The following NCKAP5 variants were observed in gnomAD, a reference collection of about 807,000 sequenced individuals.
NCKAP5 encodes NCK associated protein 5.
A neutral mutation model predicts 167.0 loss-of-function variants in NCKAP5; 92 were observed. That is an observed-to-expected ratio of 0.55 (90% confidence interval 0.47 to 0.66). The LOEUF (loss-of-function observed/expected upper bound fraction) is 0.66, where lower values mean the gene tolerates loss of function less well. Ranked by LOEUF, NCKAP5 falls within the 30% of genes least tolerant of loss-of-function variation. The pLI, the probability that NCKAP5 is intolerant of heterozygous loss-of-function variation, is 0.00. For missense variants in NCKAP5, 2,378 were observed against 2,315.0 expected (o/e 1.03, Z -0.56); for synonymous variants, 891 against 877.4 (o/e 1.02, Z -0.27).
chr2:133,269,697 A>G (rs2089421746), intron 4 of NCKAP5, among the ~76,000 whole-genome samples: 2 of 152,218 alleles, frequency 1.3e-5, no homozygotes, highest in Admixed American at 1.3e-4. Flanking sequence ...CAAGACACAG[A>G]GGGAGTGACA....
chr2:133,574,416 C>T, the NCKAP5 span, among the ~76,000 whole-genome samples: 1 of 152,164 alleles, frequency 6.6e-6, no homozygotes, highest in Non-Finnish European at 1.5e-5. Context: ...ACTCTTCAGG[C>T]TCTGGTGGCC....
intron 11 of NCKAP5, among the ~76,000 whole-genome samples, chr2:132,800,040 T>G (rs957547756): frequency 1.3e-5 from 2 of 152,204 alleles, no homozygotes; most frequent in Non-Finnish European, 2.9e-5. Context: ...AGGCTCATAT[T>G]TTCATCATAT....
intron 3 of NCKAP5, among the ~76,000 whole-genome samples, chr2:133,499,514 A>G (rs1189793981): frequency 1.3e-5 from 2 of 151,834 alleles, no homozygotes; most frequent in Non-Finnish European, 2.9e-5. Flanking sequence ...ACCAGACTCA[A>G]TGCTGAAGAA....
chr2:133,285,180 G>A (rs547313185), intron 4 of NCKAP5, among the ~76,000 whole-genome samples: 1 of 152,290 alleles, frequency 6.6e-6, no homozygotes, highest in African/African-American at 2.4e-5. Context: ...CTTTCTCTGT[G>A]AAAATATCAC....
At chr2:133,576,645 T>TA in the NCKAP5 span, among the ~76,000 whole-genome samples, 8 of 152,100 alleles carry the variant, frequency 5.3e-5, no homozygotes, top group African/African-American at 9.7e-5. Flanking sequence ...TCTGTTTTGA[T>TA]AAAAAAATAA....
rs578219650 is a variant in NCKAP5 at position 133,204,989 on chromosome 2, A to G, written c.207+8727T>C. On this transcript the variant is annotated intron_variant, in intron 5 of 19. Transcript: ENST00000409261. ...TAGCAATGAAATGGTATCATTTACT[A>G]TATAAATTGTCACAGCAAGCCAGGC... Among the ~76,000 whole-genome samples the G allele has an allele frequency of 3.3e-5, 5 of 152,282 alleles. No homozygotes were observed. In the South Asian group the frequency reaches 8.3e-4, roughly 25 times the overall value.
At chr2:133,545,646 T>C (rs758856510) in intron 2 of NCKAP5, among the ~76,000 whole-genome samples, 3 of 152,140 alleles carry the variant, frequency 2.0e-5, no homozygotes, top group East Asian at 3.9e-4. Context: ...CTTGTTATAA[T>C]GCTTTCATTG....
the NCKAP5 span, among the ~76,000 whole-genome samples, chr2:133,630,539 A>G: frequency 6.6e-6 from 1 of 152,154 alleles, no homozygotes; most frequent in Non-Finnish European, 1.5e-5. Context: ...GCAAATCACC[A>G]TGGCACATGT....
At chr2:133,205,883 T>G (rs907194737) in intron 5 of NCKAP5, among the ~76,000 whole-genome samples, 1 of 152,186 alleles carries the variant, frequency 6.6e-6, no homozygotes, top group African/African-American at 2.4e-5. Flanking sequence ...AACTATATTT[T>G]CTAAGGGCTG....
At chr2:133,206,885 A>C (rs911232535) in intron 5 of NCKAP5, among the ~76,000 whole-genome samples, 4 of 152,124 alleles carry the variant, frequency 2.6e-5, no homozygotes, top group African/African-American at 9.7e-5. Flanking sequence ...GGTTGAGATA[A>C]GGACTGAAAT....
At chr2:133,139,176 G>C (rs534677631) in intron 5 of NCKAP5, among the ~76,000 whole-genome samples, 41 of 152,258 alleles carry the variant, frequency 2.7e-4, no homozygotes, top group African/African-American at 7.5e-4. Context: ...TCATTGGAAG[G>C]TTCCCTCCAT....
chr2:132,679,573 G>C (rs916479187), intron 19 of NCKAP5, among the ~76,000 whole-genome samples: 8 of 152,276 alleles, frequency 5.3e-5, no homozygotes, highest in African/African-American at 1.7e-4. Flanking sequence ...TTCTGGTGCT[G>C]CAGGGAGTTA....
chr2:132,714,931 T>C (rs978828385), intron 19 of NCKAP5: 9 of 454,178 alleles, frequency 2.0e-5, no homozygotes, highest in African/African-American at 1.8e-4. Flanking sequence ...TTTGGGTTTC[T>C]AGGTTCTTGG....
chr2:133,552,510 C>G (rs973524698), intron 2 of NCKAP5, among the ~76,000 whole-genome samples: 1 of 144,006 alleles, frequency 6.9e-6, no homozygotes, highest in African/African-American at 2.6e-5. Context: ...AAACCAAACA[C>G]CGCATATTCT....
At chr2:133,359,077 C>G (rs752531139) in intron 3 of NCKAP5, among the ~76,000 whole-genome samples, 1 of 152,110 alleles carries the variant, frequency 6.6e-6, no homozygotes, top group South Asian at 2.1e-4. Context: ...TGTAGACTTT[C>G]TTATAATTGT....
At chr2:132,709,154 C>G (rs6748805) in intron 19 of NCKAP5, among the ~76,000 whole-genome samples, 2 of 151,656 alleles carry the variant, frequency 1.3e-5, no homozygotes, top group African/African-American at 2.4e-5. Flanking sequence ...TACACCCCCC[C>G]ACCAAACCAA....
chr2:133,602,732 G>A, the NCKAP5 span, among the ~76,000 whole-genome samples: 2 of 152,176 alleles, frequency 1.3e-5, no homozygotes, highest in Non-Finnish European at 1.5e-5. Context: ...AACAGGCCTT[G>A]GGCCAGCTTC....
intron 7 of NCKAP5, among the ~76,000 whole-genome samples, chr2:132,971,771 A>C (rs542955635): frequency 6.6e-6 from 1 of 152,312 alleles, no homozygotes; most frequent in African/African-American, 2.4e-5. Context: ...GTGGGCCATC[A>C]GCCACCAGCA....
intron 6 of NCKAP5, among the ~76,000 whole-genome samples, chr2:133,030,679 C>A (rs937904828): frequency 1.3e-5 from 2 of 152,090 alleles, no homozygotes; most frequent in African/African-American, 4.8e-5. Context: ...TCATAAATAG[C>A]GGATACACAG....
Sources: gnomAD v4.1 joint callset for allele counts (sites outside exome capture counted in the v4.1 genomes callset) on GRCh38, gnomAD v4.1.1 for gene constraint, MANE v1.5 for transcripts, NCBI Gene and HGNC (gene_info 2026-07-23, HGNC 2026-07-21) for gene names.